F13A1: variants seen among roughly 807,000 people sequenced by gnomAD.
F13A1 encodes FSF, A subunit.
In F13A1, 47 loss-of-function variants were observed where a neutral mutation model predicts 80.1. The ratio of observed to expected loss-of-function variants is 0.59; its 90% confidence interval spans 0.46 to 0.75. The LOEUF is 0.75. Among genes scored for constraint, F13A1 ranks in the 30% least tolerant of loss-of-function variants. The pLI, the probability that F13A1 is intolerant of heterozygous loss-of-function variation, is 0.00. For synonymous variants in F13A1, 349 were observed against 344.9 expected (o/e 1.01, Z -0.13); for missense variants, 817 against 930.4 (o/e 0.88, Z 1.59).
intron 6 of F13A1, among the ~76,000 whole-genome samples, chr6:6,242,765 T>C (rs141191332): frequency 2.0e-5 from 3 of 152,288 alleles, no homozygotes; most frequent in Admixed American, 6.5e-5. Context: ...GTATATAATT[T>C]CCACCATGGA....
intron 2 of F13A1, among the ~76,000 whole-genome samples, chr6:6,312,838 A>G (rs1238092191): frequency 6.6e-6 from 1 of 152,138 alleles, no homozygotes; most frequent in Non-Finnish European, 1.5e-5. Context: ...CAAATGGAAA[A>G]GACATGAGCA....
chr6:6,203,556 T>C (rs1761436450), intron 8 of F13A1, among the ~76,000 whole-genome samples: 1 of 152,222 alleles, frequency 6.6e-6, no homozygotes, highest in African/African-American at 2.4e-5. Context: ...TGCAAGGAAC[T>C]GAATTCTTTC....
chr6:6,287,540 C>T (rs1758156520), intron 3 of F13A1, among the ~76,000 whole-genome samples: 1 of 152,090 alleles, frequency 6.6e-6, no homozygotes, highest in Non-Finnish European at 1.5e-5. Flanking sequence ...TGTGGATGTT[C>T]TGAGTGTTCT....
intron 3 of F13A1, among the ~76,000 whole-genome samples, chr6:6,273,637 A>G (rs965155723): frequency 1.3e-5 from 2 of 152,200 alleles, no homozygotes; most frequent in Non-Finnish European, 2.9e-5. Flanking sequence ...TCATTTTTCC[A>G]TTTGATTCAT....
At chr6:6,191,435 C>T (rs1032704717) in intron 10 of F13A1, among the ~76,000 whole-genome samples, 1 of 152,168 alleles carries the variant, frequency 6.6e-6, no homozygotes, top group African/African-American at 2.4e-5. Flanking sequence ...GGCATTGGTG[C>T]ATGAAATTGG....
At chr6:6,234,193 TG>T (rs1757387132) in intron 6 of F13A1, among the ~76,000 whole-genome samples, 1 of 151,988 alleles carries the variant, frequency 6.6e-6, no homozygotes, top group African/African-American at 2.4e-5. Context: ...TTGTTTACCT[TG>T]AAAACCCCAA....
chr6:6,281,591 T>G (rs1289280893), intron 3 of F13A1, among the ~76,000 whole-genome samples: 3 of 152,214 alleles, frequency 2.0e-5, no homozygotes, highest in Non-Finnish European at 2.9e-5. Context: ...TTTAAGCCAC[T>G]AAGATTATGA....
chr6:6,198,349 TGA>T (rs139420005), intron 8 of F13A1, among the ~76,000 whole-genome samples: 3,568 of 152,284 alleles, frequency 0.023, 145 homozygotes, highest in African/African-American at 0.079. Flanking sequence ...CAGAATCAAA[TGA>T]GAGCACATTA....
chr6:6,284,149 T>C (rs1054762879), intron 3 of F13A1, among the ~76,000 whole-genome samples: 2 of 152,256 alleles, frequency 1.3e-5, no homozygotes, highest in African/African-American at 4.8e-5. Flanking sequence ...GTGATTTTTT[T>C]TCCTGAAATT....
intron 6 of F13A1, among the ~76,000 whole-genome samples, chr6:6,228,657 C>T (rs933466754): frequency 7.2e-5 from 10 of 139,180 alleles, no homozygotes; most frequent in East Asian, 4.3e-4. Flanking sequence ...TCGCTTGAAC[C>T]GGGGAGGCAG....
chr6:6,226,958 G>T lies in F13A1; in HGVS notation c.799-2098C>A, dbSNP rs139828945. 2.4e-3 allele frequency among the ~76,000 whole-genome samples: 360 copies of T among 147,004 alleles called. 4 individuals carry two copies. The highest frequency in any genetic ancestry group is 7.4e-3 in the African/African-American group (303 of 40,930). On this transcript the variant is annotated intron_variant, in intron 6 of 14. Transcript: ENST00000264870. ...GGGGGCCTAATAGAGGGAGATGACA[G>T]GCAAACTGGCCAGAAAAGGCCATCT...
intron 6 of F13A1, among the ~76,000 whole-genome samples, chr6:6,232,433 C>A (rs1176635851): frequency 1.3e-5 from 2 of 152,060 alleles, no homozygotes; most frequent in African/African-American, 4.8e-5. Flanking sequence ...ACTGAACACT[C>A]AAGTTCCCAA....
intron 3 of F13A1, among the ~76,000 whole-genome samples, chr6:6,274,399 T>C (rs1284442861): frequency 1.3e-5 from 2 of 152,178 alleles, no homozygotes; most frequent in African/African-American, 4.8e-5. Context: ...TTTGAGTGAA[T>C]CAGAAAGAAA....
chr6:6,206,076 T>C (rs994396554), intron 8 of F13A1, among the ~76,000 whole-genome samples: 2 of 152,346 alleles, frequency 1.3e-5, no homozygotes, highest in African/African-American at 4.8e-5. Context: ...AAAAAGTTTA[T>C]ATAATAAATT....
chr6:6,224,709 A>T lies in F13A1; in HGVS notation c.950T>A (p.Val317Asp). The T allele has an allele frequency of 6.2e-7, 1 of 1,613,974 alleles. No individual in the cohort carries two copies. Among genetic ancestry groups the T allele is most frequent in the East Asian group, 2.2e-5 (1 of 44,880 alleles). Reference sequence around the variant, plus strand: ...ACATGTGTTAAAGACACCAGCAAAAACCCAGCATTGGCCATACCGGACTGG... The same window carrying T: ...ACATGTGTTAAAGACACCAGCAAAATCCCAGCATTGGCCATACCGGACTGG... ...ENPVRYGQCW[V>D]FAGVFNTFLR... The change falls in exon 7 of 15, where the codon GTT becomes GAT. Residue 317 changes from valine (V) to aspartate (D), a missense_variant. Coordinates refer to ENST00000264870, the MANE Select transcript of F13A1 (RefSeq NM_000129.4).
At chr6:6,224,978 A>G in intron 6 of F13A1, 118 bp from the exon 7 acceptor site, 1 of 1,059,116 alleles carries the variant, frequency 9.4e-7, no homozygotes, top group Non-Finnish European at 1.4e-6. Context: ...CCCAGTGAAA[A>G]GAGTTCCACT....
In F13A1 at chr6:6,182,071, G is replaced by A; in HGVS notation, c.1376C>T (p.Thr459Ile). The stretch of plus-strand genomic sequence containing the variant: ...GGTCACAATTAATTTCCCAATGTGG[G>A]TGGCATCCACATTTTCCACCACATG... ...GTHVVENVDATHIGKLIVTKQ... is the reference protein window; with the variant it reads ...GTHVVENVDAIHIGKLIVTKQ... The change falls in exon 11 of 15, where the codon ACC becomes ATC. Residue 459 changes from threonine (T) to isoleucine (I), a missense_variant. By Grantham distance (89) the Thr-to-Ile change is moderately conservative. Transcript: ENST00000264870. The A allele has an allele frequency of 2.5e-6, 4 of 1,613,890 alleles. No individual in the cohort carries two copies. The highest frequency in any genetic ancestry group is 2.5e-6 in the Non-Finnish European group (3 of 1,179,774).
intron 3 of F13A1, among the ~76,000 whole-genome samples, chr6:6,278,838 A>G (rs967273599): frequency 1.3e-5 from 2 of 152,192 alleles, no homozygotes; most frequent in Non-Finnish European, 2.9e-5. Context: ...TCTGATTGAG[A>G]AAAGCAGTCA....
intron 6 of F13A1, among the ~76,000 whole-genome samples, chr6:6,234,179 A>G (rs963981650): frequency 2.6e-5 from 4 of 152,108 alleles, no homozygotes; most frequent in African/African-American, 7.2e-5. Context: ...TGCTGACGAT[A>G]TGATTGTTTA....
Sources: gnomAD v4.1 joint callset for allele counts (sites outside exome capture counted in the v4.1 genomes callset) on GRCh38, gnomAD v4.1.1 for gene constraint, MANE v1.5 for transcripts, NCBI Gene and HGNC (gene_info 2026-07-23, HGNC 2026-07-21) for gene names.